Variants in CNTNAP2 observed in about 807,000 individuals in gnomAD.
The protein encoded by CNTNAP2 is contactin associated protein 2.
In CNTNAP2, 98 loss-of-function variants were observed where a neutral mutation model predicts 155.2. The ratio of observed to expected loss-of-function variants is 0.63; its 90% CI spans 0.54 to 0.75. The LOEUF is 0.75. CNTNAP2 is among the 30% of genes least tolerant of loss of function. The pLI is 0.00. For missense variants in CNTNAP2, 1,727 were observed against 1,688.1 expected (o/e 1.02, Z -0.40); for synonymous variants, 651 against 631.2 (o/e 1.03, Z -0.47).
At chr7:147,249,795 A>G (rs1804152710) in intron 8 of CNTNAP2, among the ~76,000 whole-genome samples, 1 of 151,908 alleles carries the variant, frequency 6.6e-6, no homozygotes, top group Non-Finnish European at 1.5e-5. Flanking sequence ...ATTTTAGTCA[A>G]TTGCTTCCTA....
At chr7:146,208,206 C>T (rs1470148968) in intron 1 of CNTNAP2, among the ~76,000 whole-genome samples, 1 of 151,910 alleles carries the variant, frequency 6.6e-6, no homozygotes, top group African/African-American at 2.4e-5. Context: ...GATGACAAAG[C>T]AACTCTTTTA....
intron 8 of CNTNAP2, among the ~76,000 whole-genome samples, chr7:147,260,094 T>C (rs1415315507): frequency 6.6e-5 from 10 of 152,112 alleles, no homozygotes; most frequent in Admixed American, 3.3e-4. Context: ...GCGGAAACTA[T>C]GGAAGAGATC....
intron 1 of CNTNAP2, among the ~76,000 whole-genome samples, chr7:146,668,049 C>T (rs1800229197): frequency 6.6e-6 from 1 of 151,858 alleles, no homozygotes; most frequent in South Asian, 2.1e-4. Context: ...GTCTTTTTTC[C>T]AGTTCTGAGA....
intron 13 of CNTNAP2, among the ~76,000 whole-genome samples, chr7:147,890,321 C>A (rs1003000601): frequency 6.6e-6 from 1 of 152,088 alleles, no homozygotes; most frequent in Admixed American, 6.6e-5. Flanking sequence ...CTTAGAAAGG[C>A]TGAAAATTAT....
At chr7:146,149,605 T>C (rs1798007189) in intron 1 of CNTNAP2, among the ~76,000 whole-genome samples, 1 of 152,076 alleles carries the variant, frequency 6.6e-6, no homozygotes, top group Admixed American at 6.6e-5. Context: ...CACGCAGATA[T>C]GGCCAATTGA....
At chr7:146,550,704 C>T (rs1242106655) in intron 1 of CNTNAP2, among the ~76,000 whole-genome samples, 1 of 151,964 alleles carries the variant, frequency 6.6e-6, no homozygotes. Context: ...AGACCAAGAA[C>T]TTATTTAAGA....
chr7:147,613,575 T>C (rs1281090366), intron 12 of CNTNAP2, among the ~76,000 whole-genome samples: 1 of 152,100 alleles, frequency 6.6e-6, no homozygotes, highest in Non-Finnish European at 1.5e-5. Context: ...CAGTGGCTCA[T>C]GTCTATAATC....
intron 2 of CNTNAP2, among the ~76,000 whole-genome samples, chr7:146,823,832 T>G (rs192478187): frequency 1.3e-5 from 2 of 152,070 alleles, no homozygotes. Flanking sequence ...TGTTGAGATT[T>G]ATAACTTGGA....
chr7:147,271,225 T>C (rs1405687626), intron 8 of CNTNAP2, among the ~76,000 whole-genome samples: 1 of 152,186 alleles, frequency 6.6e-6, no homozygotes, highest in Non-Finnish European at 1.5e-5. Context: ...TAAAATACCA[T>C]TCATTTGAGA....
chr7:147,620,091 C>T (rs957274393), intron 12 of CNTNAP2, among the ~76,000 whole-genome samples: 1 of 152,246 alleles, frequency 6.6e-6, no homozygotes, highest in Admixed American at 6.5e-5. Context: ...GGTAGTATGT[C>T]TATGAGTCTG....
chr7:146,225,505 A>G (rs540657216), intron 1 of CNTNAP2, among the ~76,000 whole-genome samples: 21 of 152,212 alleles, frequency 1.4e-4, no homozygotes, highest in Non-Finnish European at 2.2e-4. Context: ...ACGTAGATTC[A>G]TGAGACTCAG....
chr7:148,269,600 A>G (rs187947195), intron 21 of CNTNAP2, among the ~76,000 whole-genome samples: 396 of 152,356 alleles, frequency 2.6e-3, no homozygotes, highest in Non-Finnish European at 4.9e-3. Context: ...CTCAACTAAT[A>G]CTGGCAAAGC....
chr7:148,186,120 A>G (rs1290392942), intron 18 of CNTNAP2, among the ~76,000 whole-genome samples: 3 of 152,246 alleles, frequency 2.0e-5, no homozygotes, highest in Non-Finnish European at 2.9e-5. Flanking sequence ...ATTACTATAG[A>G]TGGTTAAAAG....
intron 1 of CNTNAP2, among the ~76,000 whole-genome samples, chr7:146,503,423 G>A (rs954210342): frequency 1.3e-5 from 2 of 152,170 alleles, no homozygotes; most frequent in African/African-American, 4.8e-5. Flanking sequence ...TATCTTAAGT[G>A]TTAGTGTATT....
intron 3 of CNTNAP2, among the ~76,000 whole-genome samples, chr7:146,939,494 AAAT>A (rs1233456290): frequency 6.6e-6 from 1 of 152,216 alleles, no homozygotes; most frequent in Non-Finnish European, 1.5e-5. Flanking sequence ...TTTTCCAGCA[AAAT>A]AAATGGTTTG....
rs142651719 is a variant in CNTNAP2 at position 148,283,304 on chromosome 7, A to AAAGGAAGG, written c.3475+16189_3475+16196dup. Among the ~76,000 whole-genome samples the AAAGGAAGG allele has an allele frequency of 9.7e-4, 87 of 89,418 alleles. 6 individuals are homozygous for AAAGGAAGG. The highest frequency in any genetic ancestry group is 4.7e-3 in the African/African-American group (81 of 17,174). 58.7% of individuals were successfully genotyped at this position (89,418 alleles called of 152,430 possible). A position where few individuals can be genotyped will look rare whatever the true frequency, so the allele number is the denominator to read the frequency against. Reference sequence around the variant, plus strand: ...GAAAGAAAGAAAGAAAGAAAGAAAGAAAGGAAGGAAGGAAGGAAAGAAAGA... The same window carrying AAAGGAAGG: ...GAAAGAAAGAAAGAAAGAAAGAAAGAAAGGAAGGAAGGAAGGAAGGAAGGAAAGAAAGA... On this transcript the variant is annotated intron_variant, in intron 21 of 23. Transcript: ENST00000361727.
At chr7:147,804,262 G>A (rs1029211066) in intron 13 of CNTNAP2, among the ~76,000 whole-genome samples, 46 of 152,194 alleles carry the variant, frequency 3.0e-4, no homozygotes, top group African/African-American at 1.1e-3. Flanking sequence ...TTCTCTAAAA[G>A]CCAAGCTGTT....
chr7:146,774,138 TC>T (rs1300193857), intron 1 of CNTNAP2, 132 bp from the exon 2 acceptor site: 6 of 708,250 alleles, frequency 8.5e-6, no homozygotes, highest in Non-Finnish European at 1.5e-5. Flanking sequence ...TTGCCTAAAT[TC>T]CTTTGCTAAA....
At chr7:146,479,366 A>T (rs1796925858) in intron 1 of CNTNAP2, among the ~76,000 whole-genome samples, 1 of 152,218 alleles carries the variant, frequency 6.6e-6, no homozygotes, top group Non-Finnish European at 1.5e-5. Context: ...CTATATATTG[A>T]CATTTCTTAT....
Sources: allele counts gnomAD v4.1 joint callset (sites outside exome capture counted in the v4.1 genomes callset), GRCh38; gene constraint gnomAD v4.1.1; transcripts MANE v1.5; gene names NCBI Gene and HGNC (gene_info 2026-07-23, HGNC 2026-07-21).